Variants in NEK1 observed in about 807,000 individuals in gnomAD.
NEK1 encodes NIMA related kinase 1, also known as serine/threonine-protein kinase Nek1.
NEK1 carries 137 observed loss-of-function variants against 182.1 expected under a neutral mutation model. The ratio of observed to expected loss-of-function variants is 0.75; its 90% confidence interval spans 0.65 to 0.87. The LOEUF (loss-of-function observed/expected upper bound fraction) is 0.87, where lower values mean the gene tolerates loss of function less well. Ranked by LOEUF, NEK1 falls within the 40% of genes least tolerant of loss-of-function variation. The pLI is 0.00. For missense variants in NEK1, 1,391 were observed against 1,494.4 expected, an observed-to-expected ratio of 0.93 and a Z score of 1.14; for synonymous variants, 513 against 492.2, an observed-to-expected ratio of 1.04 and a Z score of -0.56.
chr4:169,582,494 C>T (rs1766820201), intron 10 of NEK1, among the ~76,000 whole-genome samples: 1 of 152,182 alleles, frequency 6.6e-6, no homozygotes, highest in Non-Finnish European at 1.5e-5. Flanking sequence ...GTCTGGCTCA[C>T]AGGCAATTTA....
chr4:169,403,623 T>C (rs1446728980), intron 32 of NEK1, among the ~76,000 whole-genome samples: 1 of 152,282 alleles, frequency 6.6e-6, no homozygotes, highest in South Asian at 2.1e-4. Context: ...ACACCTGCTA[T>C]GTACCATTAC....
chr4:169,478,525 A>G (rs964159863), intron 24 of NEK1: 5 of 152,126 alleles, frequency 3.3e-5, no homozygotes, highest in African/African-American at 1.2e-4. Context: ...TACTTGAAGA[A>G]CAATAGTTTC....
chr4:169,479,317 T>G, intron 24 of NEK1, 86 bp downstream of exon 24: 5 of 1,370,672 alleles, frequency 3.6e-6, no homozygotes, highest in East Asian at 2.4e-5. Flanking sequence ...GAAAGGGACA[T>G]TAGGGATTAA....
chr4:169,490,813 A>G (rs1749917708), intron 23 of NEK1, among the ~76,000 whole-genome samples: 1 of 152,094 alleles, frequency 6.6e-6, no homozygotes, highest in South Asian at 2.1e-4. Flanking sequence ...ATGGAACACC[A>G]TGAAAGGAAC....
Position 169,393,460 on chromosome 4 carries a change from G to A in NEK1, c.*1050C>T, listed in dbSNP as rs1255263316. The A allele has an allele frequency of 6.6e-6, 1 of 152,090 alleles. No individual in the cohort carries two copies. Among genetic ancestry groups the A allele is most frequent in the East Asian group, 1.9e-4 (1 of 5,198 alleles). 9.4% of individuals were successfully genotyped at this position (152,090 alleles called of 1,614,324 possible). A position where few individuals can be genotyped will look rare whatever the true frequency, so the allele number is the denominator to read the frequency against. The stretch of plus-strand genomic sequence containing the variant: ...CAACCAGCCTGCTTTGGACTCAGAG[G>A]TTCAAAAACTTTGCTTTTATTACGA... On this transcript the variant is annotated 3_prime_UTR_variant, in exon 36 of 36. Transcript: ENST00000507142.
chr4:169,424,814 G>A lies in NEK1; in HGVS notation c.2975-14C>T, dbSNP rs768823105. On this transcript the variant is annotated splice_polypyrimidine_tract_variant and intron_variant, in intron 30 of 35. Coordinates refer to ENST00000507142, the MANE Select transcript of NEK1 (RefSeq NM_001199397.3). ...TGGTTCCAGGCTCTGTGGTAGAAAG[G>A]AGAGATTATGTGGTAAGTCTATACA... 12 of 1,596,000 alleles carry A rather than the reference G, an allele frequency of 7.5e-6. No individual in the cohort carries two copies. Among genetic ancestry groups the A allele is most frequent in the Admixed American group, 1.7e-5 (1 of 59,492 alleles).
At chr4:169,533,924 AAAC>A (rs919636280) in intron 19 of NEK1, among the ~76,000 whole-genome samples, 2 of 152,216 alleles carry the variant, frequency 1.3e-5, no homozygotes, top group African/African-American at 4.8e-5. Context: ...AGACAAAACA[AAAC>A]AACTGAGAAA....
At chr4:169,446,781 A>G (rs1020823912) in intron 27 of NEK1, among the ~76,000 whole-genome samples, 1 of 152,232 alleles carries the variant, frequency 6.6e-6, no homozygotes, top group Non-Finnish European at 1.5e-5. Flanking sequence ...TGAATGCATA[A>G]GAGTCCTTTA....
intron 28 of NEK1, among the ~76,000 whole-genome samples, chr4:169,437,178 G>A (rs1738567479): frequency 6.6e-6 from 1 of 151,552 alleles, no homozygotes; most frequent in Admixed American, 6.6e-5. Context: ...TGTCCCAAAG[G>A]TTGTTTCACC....
chr4:169,580,910 TG>T lies in NEK1; in HGVS notation c.808-9del, dbSNP rs1766526946. The T allele has an allele frequency of 1.4e-6, 2 of 1,474,734 alleles. No homozygotes were observed. The highest frequency in any genetic ancestry group is 5.0e-5 in the East Asian group (2 of 39,948). 91.4% of individuals were successfully genotyped at this position (1,474,734 alleles called of 1,614,324 possible). On this transcript the variant is annotated splice_polypyrimidine_tract_variant and intron_variant, in intron 10 of 35. Transcript: ENST00000507142. ...AAATTCTTCTGCAATAAGCTGAGAT[TG>T]AAAGAGAAAAAAATTAGAAAAGATG... is the stretch of plus-strand genomic sequence containing the variant.
chr4:169,430,613 G>T (rs575790435), intron 29 of NEK1, among the ~76,000 whole-genome samples: 1 of 152,256 alleles, frequency 6.6e-6, no homozygotes, highest in East Asian at 1.9e-4. Flanking sequence ...AAAGAAGACA[G>T]GATAAACAGG....
In NEK1 at chr4:169,512,542, C is replaced by A. The variant is rs185014565; in HGVS notation, c.1666-3690G>T. On this transcript the variant is annotated intron_variant, in intron 19 of 35. Transcript: ENST00000507142. ...TTGGATAAGTGCTATACAAACATTT[C>A]TCTCAACCTGTAATTTGTATTTTCT... Among the ~76,000 whole-genome samples the A allele has an allele frequency of 3.4e-3, 518 of 152,084 alleles. 2 individuals carry two copies. The highest frequency in any genetic ancestry group is 9.4e-3 in the Admixed American group (144 of 15,284).
intron 33 of NEK1, among the ~76,000 whole-genome samples, chr4:169,401,000 G>A (rs1731582211): frequency 6.6e-6 from 1 of 151,782 alleles, no homozygotes; most frequent in East Asian, 1.9e-4. Context: ...TCAAAAGTTG[G>A]TAATAAACAC....
chr4:169,544,596 A>G, intron 18 of NEK1, among the ~76,000 whole-genome samples: 1 of 105,966 alleles, frequency 9.4e-6, no homozygotes, highest in African/African-American at 3.7e-5. Context: ...CTGTCTGGTC[A>G]TGGTTTTTTT....
At chr4:169,498,395 C>T (rs982015858) in intron 23 of NEK1, among the ~76,000 whole-genome samples, 3 of 152,090 alleles carry the variant, frequency 2.0e-5, no homozygotes, top group African/African-American at 2.4e-5. Context: ...GAGCATTTAG[C>T]CCATTTACAT....
At chr4:169,542,663 GTTCT>G (rs1490995546) in intron 18 of NEK1, among the ~76,000 whole-genome samples, 1 of 149,988 alleles carries the variant, frequency 6.7e-6, no homozygotes, top group Non-Finnish European at 1.5e-5. Flanking sequence ...TCCAGCATCT[GTTCT>G]TTCCTGACTT....
At chr4:169,557,388 T>C (rs1382757480) in intron 16 of NEK1, among the ~76,000 whole-genome samples, 1 of 151,736 alleles carries the variant, frequency 6.6e-6, no homozygotes, top group Non-Finnish European at 1.5e-5. Flanking sequence ...ATAAAAACTG[T>C]ATAATGCTAC....
chr4:169,590,848 C>T, intron 5 of NEK1, 39 bp from the exon 6 acceptor site: 1 of 1,317,954 alleles, frequency 7.6e-7, no homozygotes, highest in Non-Finnish European at 1.1e-6. Flanking sequence ...CTCTCTTTGA[C>T]CATTAAAAGA....
chr4:169,577,076 T>C lies in NEK1; in HGVS notation c.872A>G (p.Lys291Arg). Residue 291 changes from lysine (K) to arginine (R), a missense_variant, in exon 12 of 36, where the codon AAA becomes AGA. By Grantham distance (26) the Lys-to-Arg change is conservative. Around this residue, in one of 5 missense-constraint regions of NEK1, gnomAD observed 1,216 missense variants for 1,277.6 expected, o/e 0.95. Coordinates refer to ENST00000507142, the MANE Select transcript of NEK1 (RefSeq NM_001199397.3). ...CGAGTTTTGTCCTGAAGCTGGTCTT[T>C]TAGCTAGATGAAAAGATACAAAGAA... Reference protein sequence around the residue: ...SKFGSQPIPAKRPASGQNSIS... With the variant: ...SKFGSQPIPARRPASGQNSIS... 6.2e-7 allele frequency: 1 copy of C among 1,613,482 alleles called. No homozygotes were observed. The highest frequency in any genetic ancestry group is 8.5e-7 in the Non-Finnish European group (1 of 1,179,678).
Sources: gnomAD v4.1 joint callset for allele counts (sites outside exome capture counted in the v4.1 genomes callset) on GRCh38, gnomAD v4.1.1 for gene constraint, gnomAD v4.1.1 regional missense constraint, MANE v1.5 for transcripts, NCBI Gene and HGNC (gene_info 2026-07-23, HGNC 2026-07-21) for gene names.